Variants in PCDHGB6 observed in about 807,000 individuals in gnomAD.
PCDHGB6 encodes the protein protocadherin gamma-B6.
PCDHGB6 carries 51 observed loss-of-function variants against 59.1 expected under a neutral mutation model. The observed-to-expected ratio is 0.86, with a 90% CI of 0.69 to 1.09. The LOEUF (loss-of-function observed/expected upper bound fraction) is 1.09, where lower values mean the gene tolerates loss of function less well. Ranked by LOEUF, PCDHGB6 falls within the 50% of genes least tolerant of loss-of-function variation. The pLI, the probability that PCDHGB6 is intolerant of heterozygous loss-of-function variation, is 0.00. For synonymous variants in PCDHGB6, 466 were observed against 495.1 expected (o/e 0.94, Z 0.78); for missense variants, 1,148 against 1,205.1 (o/e 0.95, Z 0.70).
chr5:141,456,576 A>C (rs1383992335), intron 1 of PCDHGB6, among the ~76,000 whole-genome samples: 2 of 152,188 alleles, frequency 1.3e-5, no homozygotes, highest in African/African-American at 4.8e-5. Context: ...ATTTTCCCTG[A>C]GCCTGTCAAT....
intron 1 of PCDHGB6, among the ~76,000 whole-genome samples, chr5:141,492,882 C>G (rs2099744816): frequency 6.6e-6 from 1 of 152,218 alleles, no homozygotes; most frequent in Admixed American, 6.5e-5. Context: ...CCCAGAGATA[C>G]AGGCTTTTGG....
At chr5:141,500,241 C>T (rs1284996879) in intron 2 of PCDHGB6, among the ~76,000 whole-genome samples, 18 of 150,770 alleles carry the variant, frequency 1.2e-4, no homozygotes, top group Non-Finnish European at 1.5e-5. Flanking sequence ...CGTAGCCTTG[C>T]TCTGTCACCC....
At chr5:141,483,385 G>C (rs1166547027) in intron 1 of PCDHGB6, among the ~76,000 whole-genome samples, 1 of 152,160 alleles carries the variant, frequency 6.6e-6, no homozygotes, top group Non-Finnish European at 1.5e-5. Context: ...AGAGAAGATT[G>C]ATAAATGCTT....
intron 1 of PCDHGB6, among the ~76,000 whole-genome samples, chr5:141,453,692 C>G (rs1182118927): frequency 6.6e-6 from 1 of 152,146 alleles, no homozygotes; most frequent in African/African-American, 2.4e-5. Flanking sequence ...GTAGGTAGTC[C>G]TGGCTTTGAA....
rs146574799 is a variant in PCDHGB6, at chr5:141,487,337, G to A, written c.2419-7470G>A. The A allele has an allele frequency of 1.4e-5, 23 of 1,614,054 alleles. No individual in the cohort carries two copies. The highest frequency in any genetic ancestry group is 3.3e-5 in the Admixed American group (2 of 60,002). The stretch of plus-strand genomic sequence containing the variant: ...TAAGTGTCTTCGTGGGGCAGCCTGT[G>A]GAGTCACATGCTTTCCTGCTGGCAC... On this transcript the variant is annotated intron_variant, in intron 1 of 3. Coordinates refer to ENST00000520790, the MANE Select transcript of PCDHGB6 (RefSeq NM_018926.3). The surrounding 1 kb of genome is among the most constrained non-coding windows in gnomAD (Gnocchi z 5.0).
chr5:141,473,798 T>C lies in PCDHGB6; in HGVS notation c.2419-21009T>C, dbSNP rs1202883137. 2.6e-5 allele frequency among the ~76,000 whole-genome samples: 4 copies of C among 152,350 alleles called. 1 individual carries two copies. The highest frequency in any genetic ancestry group is 6.8e-3 in the Middle Eastern group (2 of 294). On this transcript the variant is annotated intron_variant, in intron 1 of 3. Transcript: ENST00000520790. ...TTTTAATTCAAGAGCAGTATGATGCTACTGAGGAGCAGCTGGACAATTGTG... is the reference window on the plus strand; with the variant it reads ...TTTTAATTCAAGAGCAGTATGATGCCACTGAGGAGCAGCTGGACAATTGTG...
intron 1 of PCDHGB6, chr5:141,414,372 A>G: frequency 1.2e-6 from 2 of 1,613,914 alleles, no homozygotes; most frequent in Non-Finnish European, 1.7e-6. Context: ...TTAAATTAGA[A>G]AAGTCCATTG....
intron 1 of PCDHGB6, among the ~76,000 whole-genome samples, chr5:141,465,785 T>G (rs564238782): frequency 6.6e-6 from 1 of 152,262 alleles, no homozygotes; most frequent in South Asian, 2.1e-4. Flanking sequence ...TACAGTTTTT[T>G]TTTTTTTAAG....
intron 3 of PCDHGB6, among the ~76,000 whole-genome samples, chr5:141,505,720 G>A (rs1251781594): frequency 2.2e-4 from 34 of 152,212 alleles, no homozygotes; most frequent in Non-Finnish European, 2.9e-5. Context: ...GACTCATGGA[G>A]GGAATAGTGG....
At chr5:141,419,775 G>C in intron 1 of PCDHGB6, 1 of 1,614,016 alleles carries the variant, frequency 6.2e-7, no homozygotes, top group Non-Finnish European at 8.5e-7. Flanking sequence ...GACTCGGTCC[G>C]CCAGCGCCTG....
At chr5:141,450,006 C>CTTTTTT (rs1554136305) in intron 1 of PCDHGB6, among the ~76,000 whole-genome samples, 15 of 132,950 alleles carry the variant, frequency 1.1e-4, no homozygotes, top group African/African-American at 2.0e-4. Context: ...TGCCATGTCT[C>CTTTTTT]TTTTTTTTTT....
At position 141,489,474 on chromosome 5, in the gene PCDHGB6, C is replaced by T. The variant is rs772297075; in HGVS notation, c.2419-5333C>T. On this transcript the variant is annotated intron_variant, in intron 1 of 3. Transcript: ENST00000520790. The surrounding 1 kb of genome is among the most constrained non-coding windows in gnomAD (Gnocchi z 4.5). ...AGAATGGGCGCTATTTTTCCCTGAG[C>T]TTGATGAGTGGTGCCCTGGCAGTGA... 6.2e-7 allele frequency: 1 copy of T among 1,614,108 alleles called. No individual in the cohort carries two copies. The highest frequency in any genetic ancestry group is 8.5e-7 in the Non-Finnish European group (1 of 1,180,034).
At chr5:141,460,087 A>T (rs2098981724) in intron 1 of PCDHGB6, among the ~76,000 whole-genome samples, 1 of 152,008 alleles carries the variant, frequency 6.6e-6, no homozygotes, top group African/African-American at 2.4e-5. Flanking sequence ...AAAAAATAAT[A>T]ATTATACATG....
intron 2 of PCDHGB6, among the ~76,000 whole-genome samples, chr5:141,496,013 T>C (rs2154591828): frequency 6.6e-6 from 1 of 152,134 alleles, no homozygotes; most frequent in East Asian, 1.9e-4. Flanking sequence ...CTTGTCTTTT[T>C]TCTCTGAGCC....
chr5:141,462,782 T>C (rs1397671639), intron 1 of PCDHGB6, among the ~76,000 whole-genome samples: 1 of 152,220 alleles, frequency 6.6e-6, no homozygotes, highest in Non-Finnish European at 1.5e-5. Flanking sequence ...TCATAATTTG[T>C]TGCTTATTTG....
In PCDHGB6 at chr5:141,409,050, G is replaced by C. The variant is rs371257178; in HGVS notation, c.848G>C (p.Ser283Thr). The change falls in exon 1 of 4, where the codon AGC becomes ACC. Residue 283 changes from serine (S) to threonine (T), a missense_variant. Around this residue, in one of 5 missense-constraint regions of PCDHGB6, gnomAD observed 549 missense variants for 527.5 expected, o/e 1.04. Coordinates refer to ENST00000520790, the MANE Select transcript of PCDHGB6 (RefSeq NM_018926.3). ...GCTGAGATAAACTACTACTTCCGAA[G>C]CACTGCCCAGAGCACAAAACATATG... ...VNAEINYYFR[S>T]TAQSTKHMFS... 1 of 1,613,988 alleles carries C rather than the reference G, an allele frequency of 6.2e-7. No individual in the cohort carries two copies.
At position 141,477,781 on chromosome 5, in the gene PCDHGB6, A is replaced by G; in HGVS notation, c.2419-17026A>G. 6.2e-7 allele frequency: 1 copy of G among 1,614,036 alleles called. No homozygotes were observed. Among genetic ancestry groups the G allele is most frequent in the South Asian group, 1.1e-5 (1 of 91,090 alleles). Reference sequence around the variant, plus strand: ...TAGCCACCAACATCAGCGTGAACATATTTGTCACTGATCGCAATGACAATG... The same window carrying G: ...TAGCCACCAACATCAGCGTGAACATGTTTGTCACTGATCGCAATGACAATG... On this transcript the variant is annotated intron_variant, in intron 1 of 3. Coordinates refer to ENST00000520790, the MANE Select transcript of PCDHGB6 (RefSeq NM_018926.3). The surrounding 1 kb of genome is among the most constrained non-coding windows in gnomAD (Gnocchi z 4.9).
chr5:141,409,808 G>A lies in PCDHGB6; in HGVS notation c.1606G>A (p.Asp536Asn), dbSNP rs1445467116. Residue 536 changes from aspartate (D) to asparagine (N), a missense_variant, in exon 1 of 4, where the codon GAC (aspartate) becomes AAC (asparagine). Coordinates refer to ENST00000520790, the MANE Select transcript of PCDHGB6 (RefSeq NM_018926.3). ...CTTCGCGCTCACGCTGCAGGCCCGC[G>A]ACCACGGCTCGCCCACGCTCAGCGC... Reference protein sequence around the residue: ...RAFALTLQARDHGSPTLSANV... With the variant: ...RAFALTLQARNHGSPTLSANV... 4.3e-6 allele frequency: 7 copies of A among 1,611,624 alleles called. No individual in the cohort carries two copies. In the East Asian group the frequency reaches 1.3e-4, roughly 31 times the overall value.
rs905837179 is a variant in PCDHGB6 at position 141,478,541 on chromosome 5, G to A, written c.2419-16266G>A. ...GTTGGGTGCAGAGAGCGCCCCTCCCGGACAGGTAAGGTTTAGCAAGTCATG... is the reference window on the plus strand; with the variant it reads ...GTTGGGTGCAGAGAGCGCCCCTCCCAGACAGGTAAGGTTTAGCAAGTCATG... On this transcript the variant is annotated intron_variant, in intron 1 of 3. Coordinates refer to ENST00000520790, the MANE Select transcript of PCDHGB6 (RefSeq NM_018926.3). 4 of 1,605,470 alleles carry A rather than the reference G, an allele frequency of 2.5e-6. No homozygotes were observed. The Admixed American group carries it at 5.2e-5, about 21-fold the overall frequency.
Sources: gnomAD v4.1 joint callset for allele counts (sites outside exome capture counted in the v4.1 genomes callset) on GRCh38, gnomAD v4.1.1 for gene constraint, gnomAD v4.1.1 regional missense constraint, Gnocchi (gnomAD v3.1) non-coding constraint, MANE v1.5 for transcripts, NCBI Gene and HGNC (gene_info 2026-07-23, HGNC 2026-07-21) for gene names.